PRKCA: variants seen among roughly 807,000 people sequenced by gnomAD.
PRKCA encodes protein kinase C alpha type.
In PRKCA, 27 loss-of-function variants were observed where a neutral mutation model predicts 87.0. The ratio of observed to expected loss-of-function variants is 0.31; its 90% CI spans 0.23 to 0.43. PRKCA has a LOEUF of 0.43. PRKCA is among the 20% of genes least tolerant of loss of function. PRKCA has a pLI of 1.00. For missense variants in PRKCA, 518 were observed against 852.3 expected (o/e 0.61, Z 4.88); for synonymous variants, 329 against 311.1 (o/e 1.06, Z -0.61).
intron 6 of PRKCA, 144 bp downstream of exon 6, chr17:66,687,411 AG>A (rs1448202474): frequency 7.5e-6 from 6 of 798,654 alleles, no homozygotes; most frequent in African/African-American, 1.7e-5. Flanking sequence ...GCCATTAGGG[AG>A]GTAGCTATTA....
At chr17:66,366,481 C>A (rs1197975088) in intron 2 of PRKCA, among the ~76,000 whole-genome samples, 1 of 152,138 alleles carries the variant, frequency 6.6e-6, no homozygotes, top group Non-Finnish European at 1.5e-5. Flanking sequence ...GGCGATTGGG[C>A]AGTTTTGTTT....
At chr17:66,587,153 T>G (rs2143506094) in intron 3 of PRKCA, among the ~76,000 whole-genome samples, 1 of 152,318 alleles carries the variant, frequency 6.6e-6, no homozygotes, top group East Asian at 1.9e-4. Context: ...CACTAAGGTC[T>G]GATCTCTTCC....
At chr17:66,458,567 A>G (rs1489795644) in intron 2 of PRKCA, among the ~76,000 whole-genome samples, 2 of 151,616 alleles carry the variant, frequency 1.3e-5, no homozygotes, top group East Asian at 1.9e-4. Flanking sequence ...TACAACCTCC[A>G]CTTCCTGGGC....
chr17:66,736,164 G>A (rs1974021259), intron 10 of PRKCA, among the ~76,000 whole-genome samples: 1 of 151,774 alleles, frequency 6.6e-6, no homozygotes, highest in Non-Finnish European at 1.5e-5. Context: ...CTACAGGTGT[G>A]AGCCACTGTG....
chr17:66,384,634 CTT>C (rs1003762674), intron 2 of PRKCA, among the ~76,000 whole-genome samples: 1 of 146,390 alleles, frequency 6.8e-6, no homozygotes. Context: ...CCTTAAATGA[CTT>C]TTTTTTTTTT....
chr17:66,645,803 C>G (rs1470158217), intron 5 of PRKCA, among the ~76,000 whole-genome samples: 1 of 151,922 alleles, frequency 6.6e-6, no homozygotes, highest in Non-Finnish European at 1.5e-5. Flanking sequence ...GTACTCTCCT[C>G]CCGGTGACAG....
At chr17:66,661,714 G>A (rs962777649) in intron 5 of PRKCA, among the ~76,000 whole-genome samples, 1 of 152,204 alleles carries the variant, frequency 6.6e-6, no homozygotes, top group African/African-American at 2.4e-5. Flanking sequence ...CAGGTTCCAG[G>A]CGTAAATGGT....
rs545150643 is a variant in PRKCA, at chr17:66,688,814, T to A, written c.822-137T>A. On this transcript the variant is annotated intron_variant, in intron 7 of 16. Coordinates refer to ENST00000413366, the MANE Select transcript of PRKCA (RefSeq NM_002737.3). ...CTACCCTGTCTCAAAAATATAAAAATGTAAAAAAAGTCAAATGTCTACTGA... is the reference window on the plus strand; with the variant it reads ...CTACCCTGTCTCAAAAATATAAAAAAGTAAAAAAAGTCAAATGTCTACTGA... The A allele has an allele frequency of 1.5e-3, 1,012 of 658,788 alleles. 20 individuals carry two copies. In the South Asian group the frequency reaches 0.018, roughly 12 times the overall value. 40.8% of individuals were successfully genotyped at this position (658,788 alleles called of 1,614,324 possible).
chr17:66,651,946 A>G (rs8077023), intron 5 of PRKCA, among the ~76,000 whole-genome samples: 7,820 of 151,922 alleles, frequency 0.051, 686 homozygotes, highest in African/African-American at 0.18. Flanking sequence ...TGATTATTTT[A>G]TTTTTTATTT....
At chr17:66,616,855 G>A (rs1184595509) in intron 3 of PRKCA, among the ~76,000 whole-genome samples, 1 of 151,990 alleles carries the variant, frequency 6.6e-6, no homozygotes, top group African/African-American at 2.4e-5. Context: ...CTGGGGCCAG[G>A]GAGCTGCTGT....
At chr17:66,479,742 A>G (rs530213084) in intron 2 of PRKCA, among the ~76,000 whole-genome samples, 1 of 152,314 alleles carries the variant, frequency 6.6e-6, no homozygotes, top group East Asian at 1.9e-4. Context: ...TCCTTACCAA[A>G]CTAACACAGG....
intron 2 of PRKCA, among the ~76,000 whole-genome samples, chr17:66,398,803 T>C (rs958236477): frequency 2.0e-5 from 3 of 152,202 alleles, no homozygotes; most frequent in African/African-American, 4.8e-5. Flanking sequence ...TTCTCACTCA[T>C]TGGAAACAAG....
intron 2 of PRKCA, among the ~76,000 whole-genome samples, chr17:66,475,931 C>CT (rs1915518091): frequency 6.6e-6 from 1 of 152,152 alleles, no homozygotes; most frequent in Admixed American, 6.5e-5. Context: ...GAGTCTTGCT[C>CT]TGTCGCCCAG....
chr17:66,481,553 C>G (rs1915776639), intron 2 of PRKCA, among the ~76,000 whole-genome samples: 1 of 152,162 alleles, frequency 6.6e-6, no homozygotes, highest in South Asian at 2.1e-4. Context: ...CGCCTCTCTC[C>G]TAGGCCTGTC....
intron 2 of PRKCA, among the ~76,000 whole-genome samples, chr17:66,441,599 G>A (rs1913763278): frequency 6.6e-6 from 1 of 152,080 alleles, no homozygotes; most frequent in Non-Finnish European, 1.5e-5. Flanking sequence ...GGTGGTTTCT[G>A]GGCACACTGG....
intron 3 of PRKCA, among the ~76,000 whole-genome samples, chr17:66,567,267 G>A (rs1221130950): frequency 6.6e-6 from 1 of 152,148 alleles, no homozygotes; most frequent in Non-Finnish European, 1.5e-5. Flanking sequence ...CAGGTGCCGA[G>A]GTGACAAGAT....
chr17:66,549,257 G>A (rs538836610), intron 3 of PRKCA, among the ~76,000 whole-genome samples: 1 of 151,334 alleles, frequency 6.6e-6, no homozygotes, highest in African/African-American at 2.4e-5. Flanking sequence ...GCTCAAGTTT[G>A]TAAATTGGGT....
At chr17:66,375,861 C>T (rs1355666660) in intron 2 of PRKCA, among the ~76,000 whole-genome samples, 2 of 152,156 alleles carry the variant, frequency 1.3e-5, no homozygotes, top group Middle Eastern at 3.2e-3. Flanking sequence ...GCTTAATCCT[C>T]GTAAGCCTGG....
intron 2 of PRKCA, among the ~76,000 whole-genome samples, chr17:66,413,124 A>T (rs1477950019): frequency 6.6e-6 from 1 of 152,190 alleles, no homozygotes; most frequent in Non-Finnish European, 1.5e-5. Context: ...CTCTCCTCAG[A>T]TGCCAACGTA....
Sources: allele counts gnomAD v4.1 joint callset (sites outside exome capture counted in the v4.1 genomes callset), GRCh38; gene constraint gnomAD v4.1.1; transcripts MANE v1.5; gene names NCBI Gene and HGNC (gene_info 2026-07-23, HGNC 2026-07-21).